Variants in MUC7 observed in about 807,000 individuals in gnomAD.
The protein encoded by MUC7 is mucin 7, secreted.
MUC7 carries 2 observed loss-of-function variants against 2.5 expected under a neutral mutation model. The observed-to-expected ratio is 0.81, with a 90% CI of 0.33 to 2.55. The LOEUF (loss-of-function observed/expected upper bound fraction) is 2.55. Among genes scored for constraint, MUC7 ranks in the 30% most tolerant of loss-of-function variants. MUC7 has a pLI of 0.11. For missense variants in MUC7, 408 were observed against 455.6 expected (o/e 0.90, Z 0.95); for synonymous variants, 133 against 173.4 (o/e 0.77, Z 1.83).
chr4:70,464,684 A>G (rs552073623), intron 1 of MUC7, among the ~76,000 whole-genome samples: 1 of 152,142 alleles, frequency 6.6e-6, no homozygotes, highest in Non-Finnish European at 1.5e-5. Flanking sequence ...CTGTAGCCAG[A>G]TTGCCTGTCT....
At chr4:70,476,590 C>A (rs1735007805) in intron 2 of MUC7, among the ~76,000 whole-genome samples, 1 of 152,080 alleles carries the variant, frequency 6.6e-6, no homozygotes, top group African/African-American at 2.4e-5. Context: ...AGTTCGAGAC[C>A]AGCCTGGCCA....
At chr4:70,453,238 G>C (rs1734324517) in intron 1 of MUC7, among the ~76,000 whole-genome samples, 1 of 152,180 alleles carries the variant, frequency 6.6e-6, no homozygotes, top group Non-Finnish European at 1.5e-5. Context: ...TCAGGCCCCA[G>C]GTGGGTCCAG....
In MUC7 at chr4:70,474,053, G is replaced by C; in HGVS notation, c.32G>C (p.Cys11Ser). 3 of 1,612,980 alleles carry C rather than the reference G, an allele frequency of 1.9e-6. No individual in the cohort carries two copies. Among genetic ancestry groups the C allele is most frequent in the Non-Finnish European group, 2.5e-6 (3 of 1,179,390 alleles). The stretch of plus-strand genomic sequence containing the variant: ...ACTCTGCCGCTGTTTGTGTGCATCT[G>C]TGCACTGAGTGCTTGCTTCTCGGTA... MKTLPLFVCICALSACFSFSE... is the reference protein window; with the variant it reads MKTLPLFVCISALSACFSFSE... The change falls in exon 2 of 3, where the codon TGT becomes TCT. Residue 11 changes from cysteine (C) to serine (S), a missense_variant. Cys to Ser is a moderately radical substitution (Grantham distance 112). This residue lies in a region of MUC7 where 225 missense variants were observed against 240.5 expected (regional missense o/e 0.94). Transcript: ENST00000304887.
chr4:70,465,650 G>C (rs1015210093), intron 1 of MUC7, among the ~76,000 whole-genome samples: 2 of 152,054 alleles, frequency 1.3e-5, no homozygotes, highest in Non-Finnish European at 2.9e-5. Context: ...GGATATCAGA[G>C]ATTGAAGATC....
intron 1 of MUC7, among the ~76,000 whole-genome samples, chr4:70,463,881 G>A (rs1305182012): frequency 6.6e-6 from 1 of 152,170 alleles, no homozygotes; most frequent in African/African-American, 2.4e-5. Flanking sequence ...CTCCATAACT[G>A]AGATGACTGT....
At chr4:70,449,225 G>C (rs1335381679) in intron 1 of MUC7, among the ~76,000 whole-genome samples, 4 of 152,114 alleles carry the variant, frequency 2.6e-5, no homozygotes, top group African/African-American at 9.7e-5. Context: ...TCACGTTACT[G>C]ATAAAGACAT....
intron 1 of MUC7, among the ~76,000 whole-genome samples, chr4:70,458,150 G>A: frequency 6.6e-6 from 1 of 151,842 alleles, no homozygotes; most frequent in Non-Finnish European, 1.5e-5. Flanking sequence ...AGCTTATTCT[G>A]GGAATGCAAA....
At chr4:70,443,795 CA>C (rs990799820) in intron 1 of MUC7, among the ~76,000 whole-genome samples, 10 of 151,100 alleles carry the variant, frequency 6.6e-5, no homozygotes, top group Admixed American at 1.3e-4. Flanking sequence ...GAGACTGGTC[CA>C]AAAAAAAACT....
At position 70,480,914 on chromosome 4, in the gene MUC7, C is replaced by T. The variant is rs764963529; in HGVS notation, c.170C>T (p.Pro57Leu). 2 of 1,614,106 alleles carry T rather than the reference C, an allele frequency of 1.2e-6. No homozygotes were observed. Among genetic ancestry groups the T allele is most frequent in the East Asian group, 2.2e-5 (1 of 44,864 alleles). Residue 57 changes from proline to leucine, a missense_variant, in exon 3 of 3, where the codon CCG becomes CTG. Around this residue, in one of 3 missense-constraint regions of MUC7, gnomAD observed 225 missense variants for 240.5 expected, o/e 0.94. Transcript: ENST00000304887. ...CCTGGACTGCTAGCTCACCAGAAGCCGTTCATTAGAAAGTCCTATAAATGT... is the reference window on the plus strand; with the variant it reads ...CCTGGACTGCTAGCTCACCAGAAGCTGTTCATTAGAAAGTCCTATAAATGT... ...HYPGLLAHQK[P>L]FIRKSYKCLH... is the part of the protein sequence containing the mutation.
At chr4:70,457,968 A>T (rs1734451855) in intron 1 of MUC7, among the ~76,000 whole-genome samples, 1 of 152,156 alleles carries the variant, frequency 6.6e-6, no homozygotes, top group African/African-American at 2.4e-5. Context: ...TTTTCATGAA[A>T]TAGTCTCCAA....
intron 1 of MUC7, 62 bp from the exon 2 acceptor site, chr4:70,473,945 A>G: frequency 8.3e-7 from 1 of 1,208,088 alleles, no homozygotes; most frequent in Non-Finnish European, 1.2e-6. Context: ...GTTATTTACC[A>G]AAACGCATTC....
intron 2 of MUC7, among the ~76,000 whole-genome samples, chr4:70,479,636 G>T (rs955769057): frequency 6.6e-5 from 10 of 152,158 alleles, no homozygotes; most frequent in African/African-American, 2.4e-4. Flanking sequence ...TGAATACAGG[G>T]AAGAGGGATA....
At chr4:70,439,305 T>C (rs1733943343) in intron 1 of MUC7, among the ~76,000 whole-genome samples, 1 of 152,148 alleles carries the variant, frequency 6.6e-6, no homozygotes, top group Admixed American at 6.5e-5. Context: ...TGAGGGAGAA[T>C]AAGGTACGAG....
chr4:70,481,097 C>A lies in MUC7; in HGVS notation c.353C>A (p.Ser118Ter). The A allele has an allele frequency of 6.2e-7, 1 of 1,614,176 alleles. No individual in the cohort carries two copies. Among genetic ancestry groups the A allele is most frequent in the Non-Finnish European group, 8.5e-7 (1 of 1,180,030 alleles). ...TTQIPSVTFP[S>*]ASTKITTLPN... ...CAAATTCCATCTGTGACTTTCCCAT[C>A]AGCTTCCACCAAAATTACTACCCTT... Residue 118 changes from serine (S) to a stop codon, truncating the protein, a stop_gained, in exon 3 of 3, where the codon TCA becomes TAA. Coordinates refer to ENST00000304887, the MANE Select transcript of MUC7 (RefSeq NM_152291.3). LOFTEE classifies it low-confidence loss of function (END_TRUNC).
intron 1 of MUC7, among the ~76,000 whole-genome samples, chr4:70,434,176 A>G (rs1348305204): frequency 1.3e-5 from 2 of 152,122 alleles, no homozygotes; most frequent in Non-Finnish European, 2.9e-5. Context: ...ACTGGCCTAA[A>G]ATTAACTTTT....
intron 1 of MUC7, among the ~76,000 whole-genome samples, chr4:70,461,674 T>G (rs1048977487): frequency 6.6e-6 from 1 of 152,120 alleles, no homozygotes; most frequent in African/African-American, 2.4e-5. Context: ...TAATTATCAC[T>G]TCTCTCAATG....
chr4:70,455,416 A>G (rs746304208), intron 1 of MUC7, among the ~76,000 whole-genome samples: 65 of 152,212 alleles, frequency 4.3e-4, no homozygotes, highest in Non-Finnish European at 7.8e-4. Flanking sequence ...ATTCAAATTC[A>G]GTACTCCATT....
intron 1 of MUC7, among the ~76,000 whole-genome samples, chr4:70,459,836 T>C (rs1189253618): frequency 6.6e-6 from 1 of 152,172 alleles, no homozygotes; most frequent in Non-Finnish European, 1.5e-5. Flanking sequence ...TGCCCCACAG[T>C]TACCCTGACA....
intron 1 of MUC7, among the ~76,000 whole-genome samples, chr4:70,460,314 A>T (rs1734524244): frequency 6.6e-6 from 1 of 152,228 alleles, no homozygotes; most frequent in Non-Finnish European, 1.5e-5. Flanking sequence ...CAATGCTGGT[A>T]ATATCATCAA....
Sources: allele counts gnomAD v4.1 joint callset (sites outside exome capture counted in the v4.1 genomes callset), GRCh38; gene constraint gnomAD v4.1.1; regional missense constraint gnomAD v4.1.1; transcripts MANE v1.5; gene names NCBI Gene and HGNC (gene_info 2026-07-23, HGNC 2026-07-21).